RGS20: variants seen among roughly 807,000 people sequenced by gnomAD.
RGS20 encodes the protein gz-selective GTPase-activating protein.
Under a neutral mutation model 33.6 loss-of-function variants are expected in RGS20, and 30 were observed. The observed-to-expected ratio is 0.89, with a 90% CI of 0.67 to 1.21. The LOEUF is 1.21. RGS20 is among the 50% of genes most tolerant of loss of function. RGS20 has a pLI of 0.00. For missense variants in RGS20, 472 were observed against 502.4 expected (o/e 0.94, Z 0.58); for synonymous variants, 208 against 197.9 (o/e 1.05, Z -0.43).
chr8:53,870,835 A>G (rs569740927), intron 1 of RGS20, among the ~76,000 whole-genome samples: 1 of 152,210 alleles, frequency 6.6e-6, no homozygotes, highest in African/African-American at 2.4e-5. Flanking sequence ...AATATAGGCC[A>G]GGTGCGGTGA....
intron 1 of RGS20, among the ~76,000 whole-genome samples, chr8:53,870,078 T>G (rs1402997992): frequency 6.6e-6 from 1 of 152,204 alleles, no homozygotes; most frequent in Non-Finnish European, 1.5e-5. Context: ...AAATGGATTC[T>G]GTGTCACAGA....
At chr8:53,902,722 T>A (rs1313820849) in intron 2 of RGS20, among the ~76,000 whole-genome samples, 1 of 148,622 alleles carries the variant, frequency 6.7e-6, no homozygotes, top group Non-Finnish European at 1.5e-5. Flanking sequence ...AAAAACAAAA[T>A]GATTGGTTCT....
chr8:53,951,876 G>C (rs1670274725), intron 4 of RGS20, among the ~76,000 whole-genome samples: 1 of 151,746 alleles, frequency 6.6e-6, no homozygotes, highest in African/African-American at 2.4e-5. Flanking sequence ...AATCAGCTGG[G>C]GGTGGTGGCA....
intron 3 of RGS20, among the ~76,000 whole-genome samples, chr8:53,944,537 C>CA (rs762040506): frequency 0.21 from 22,985 of 108,094 alleles, 2,467 homozygotes; most frequent in East Asian, 0.49. Flanking sequence ...GACCCCGTCT[C>CA]AAAAAAAAAA....
intron 1 of RGS20, among the ~76,000 whole-genome samples, chr8:53,868,638 A>G (rs1449523447): frequency 6.6e-6 from 1 of 152,102 alleles, no homozygotes; most frequent in East Asian, 1.9e-4. Flanking sequence ...TTCTCTAGGA[A>G]TAGCTTCACT....
chr8:53,910,294 A>G (rs1585911892), intron 2 of RGS20, among the ~76,000 whole-genome samples: 1 of 151,966 alleles, frequency 6.6e-6, no homozygotes. Context: ...AATTACCAAG[A>G]CCCTCCACCA....
chr8:53,852,009 A>T lies in RGS20; in HGVS notation c.110A>T (p.Asp37Val). Residue 37 changes from aspartate to valine, a missense_variant, in exon 1 of 6, where the codon GAC becomes GTC. By Grantham distance (152) the Asp-to-Val change is radical. Coordinates refer to ENST00000297313, the MANE Select transcript of RGS20 (RefSeq NM_170587.4). The stretch of plus-strand genomic sequence containing the variant: ...TTCAGGGCTCAGAGATATAATACAG[A>T]CATTCACCAAATCACAGAAAATGAA... 6.2e-7 allele frequency: 1 copy of T among 1,614,160 alleles called. No homozygotes were observed. Among genetic ancestry groups the T allele is most frequent in the Non-Finnish European group, 8.5e-7 (1 of 1,180,004 alleles).
intron 3 of RGS20, 118 bp from the exon 3 acceptor site, chr8:53,946,547 A>C (rs1814484624): frequency 1.1e-6 from 1 of 890,992 alleles, no homozygotes; most frequent in Non-Finnish European, 1.9e-6. Context: ...TTTTTTTCCA[A>C]GTAGAGGAAG....
chr8:53,957,002 C>A lies in RGS20; in HGVS notation c.979-1268C>A, dbSNP rs371528964. Among the ~76,000 whole-genome samples, 26 of 152,302 alleles carry A rather than the reference C, an allele frequency of 1.7e-4. No individual in the cohort carries two copies. The South Asian group carries it at 5.4e-3, about 32-fold the overall frequency. ...GCTTAGTGAAATCCAAGCACTTTGT[C>A]ATTAAATCACAAAAAACCTAAGACA... On this transcript the variant is annotated intron_variant, in intron 5 of 5. Coordinates refer to ENST00000297313, the MANE Select transcript of RGS20 (RefSeq NM_170587.4).
At chr8:53,884,191 CTTT>C (rs4014055) in intron 2 of RGS20, among the ~76,000 whole-genome samples, 7 of 103,442 alleles carry the variant, frequency 6.8e-5, no homozygotes, top group Admixed American at 1.0e-4. Context: ...GAAAAACAGT[CTTT>C]TTTTTTTTTT....
In RGS20 at chr8:53,949,718, A is replaced by G. The variant is rs1189995078; in HGVS notation, c.743+2970A>G. 2.6e-5 allele frequency among the ~76,000 whole-genome samples: 4 copies of G among 152,008 alleles called. No homozygotes were observed. In the East Asian group the frequency reaches 7.7e-4, roughly 29 times the overall value. ...GGAGACAGAGCAAGACTCTGCCTCAATCAATCAATCAATCAATAAAGGGAG... is the reference window on the plus strand; with the variant it reads ...GGAGACAGAGCAAGACTCTGCCTCAGTCAATCAATCAATCAATAAAGGGAG... On this transcript the variant is annotated intron_variant, in intron 4 of 5. Coordinates refer to ENST00000297313, the MANE Select transcript of RGS20 (RefSeq NM_170587.4).
chr8:53,864,828 C>A (rs924866925), intron 1 of RGS20, among the ~76,000 whole-genome samples: 1 of 152,114 alleles, frequency 6.6e-6, no homozygotes, highest in Admixed American at 6.5e-5. Context: ...TTCATATGCC[C>A]TGAAAGAAAT....
chr8:53,859,209 C>G lies in RGS20; in HGVS notation c.165+7145C>G, dbSNP rs190031880. Among the ~76,000 whole-genome samples the G allele has an allele frequency of 4.4e-3, 672 of 152,314 alleles. 7 individuals carry two copies. Among genetic ancestry groups the G allele is most frequent in the African/African-American group, 0.015 (644 of 41,572 alleles). ...TAAATTTAAATAACAAACGAACAAA[C>G]TTTTCATATTCTATTTATACACCAC... On this transcript the variant is annotated intron_variant, in intron 1 of 5. Coordinates refer to ENST00000297313, the MANE Select transcript of RGS20 (RefSeq NM_170587.4).
chr8:53,883,908 T>C (rs932422741), intron 2 of RGS20, among the ~76,000 whole-genome samples: 8 of 150,786 alleles, frequency 5.3e-5, no homozygotes, highest in Admixed American at 4.6e-4. Context: ...ATGGAGCCAC[T>C]GCACTCCAGC....
intron 2 of RGS20, among the ~76,000 whole-genome samples, chr8:53,934,812 T>A (rs144770399): frequency 7.2e-5 from 11 of 152,252 alleles, no homozygotes; most frequent in African/African-American, 2.6e-4. Flanking sequence ...TATACAGTCT[T>A]CTCAGCACCA....
chr8:53,905,291 A>T (rs1462049881), intron 2 of RGS20, among the ~76,000 whole-genome samples: 1 of 152,250 alleles, frequency 6.6e-6, no homozygotes, highest in East Asian at 1.9e-4. Context: ...GAAAACCCAT[A>T]GATTTGCCTG....
intron 2 of RGS20, among the ~76,000 whole-genome samples, chr8:53,889,412 CTTTTTTTTTTTTTTTTTTTTTTTTT>C (rs34316630): frequency 4.8e-5 from 2 of 41,862 alleles, no homozygotes; most frequent in South Asian, 1.9e-3. Flanking sequence ...CTCTCTCTCT[CTTTTTTTTTTTTTTTTTTTTTTTTT>C]TTTTTTTTTT....
intron 2 of RGS20, among the ~76,000 whole-genome samples, chr8:53,899,526 A>G (rs1158329802): frequency 1.3e-5 from 2 of 152,208 alleles, no homozygotes; most frequent in Admixed American, 1.3e-4. Context: ...GAATATTTTC[A>G]TCACTCCAAG....
At chr8:53,947,576 T>C (rs1406885476) in intron 4 of RGS20, among the ~76,000 whole-genome samples, 1 of 128,146 alleles carries the variant, frequency 7.8e-6, no homozygotes, top group Non-Finnish European at 1.6e-5. Flanking sequence ...ATATAGTATA[T>C]ACATTTATAT....
Sources: allele counts gnomAD v4.1 joint callset (sites outside exome capture counted in the v4.1 genomes callset), GRCh38; gene constraint gnomAD v4.1.1; transcripts MANE v1.5; gene names NCBI Gene and HGNC (gene_info 2026-07-23, HGNC 2026-07-21).